Variants in MCTP1 observed in about 807,000 individuals in gnomAD.
The protein encoded by MCTP1 is multiple C2 and transmembrane domain containing 1, also known as multiple C2 and transmembrane domain-containing protein 1.
In MCTP1, 69 loss-of-function variants were observed where a neutral mutation model predicts 120.6. The observed-to-expected ratio is 0.57, with a 90% confidence interval of 0.47 to 0.70. The LOEUF (loss-of-function observed/expected upper bound fraction) is 0.70. Ranked by LOEUF, MCTP1 falls within the 30% of genes least tolerant of loss-of-function variation. MCTP1 has a pLI of 0.00. For missense variants in MCTP1, 1,203 were observed against 1,248.8 expected, an observed-to-expected ratio of 0.96 and a Z score of 0.55; for synonymous variants, 529 against 493.1, an observed-to-expected ratio of 1.07 and a Z score of -0.96.
chr5:94,953,906 CAT>C (rs1227200716), intron 2 of MCTP1, among the ~76,000 whole-genome samples: 1 of 73,576 alleles, frequency 1.4e-5, no homozygotes, highest in Non-Finnish European at 2.5e-5. Flanking sequence ...TATATATATG[CAT>C]ATATATACAA....
chr5:95,218,580 CTT>C (rs1753305053), intron 1 of MCTP1, among the ~76,000 whole-genome samples: 1 of 152,132 alleles, frequency 6.6e-6, no homozygotes, highest in Non-Finnish European at 1.5e-5. Context: ...TCTTTCTATT[CTT>C]GTTTAAACAG....
intron 1 of MCTP1, chr5:95,154,322 G>C (rs1744853428): frequency 6.6e-6 from 1 of 151,698 alleles, no homozygotes; most frequent in East Asian, 1.9e-4. Context: ...TGCTCATGTA[G>C]CAATATGAAG....
At position 94,769,838 on chromosome 5, in the gene MCTP1, T is replaced by C. The variant is rs918659717; in HGVS notation, c.2610+9272A>G. Among the ~76,000 whole-genome samples the C allele has an allele frequency of 2.0e-4, 30 of 152,312 alleles. No homozygotes were observed. The East Asian group carries it at 3.9e-3, about 20-fold the overall frequency. On this transcript the variant is annotated intron_variant, in intron 19 of 22. Transcript: ENST00000515393. ...AAGATAACTCAGATGCCACTGGATA[T>C]AGTTCAGTGAAGCCACACATTTCTT...
intron 18 of MCTP1, among the ~76,000 whole-genome samples, chr5:94,795,267 G>C (rs1163619549): frequency 1.3e-5 from 2 of 149,676 alleles, no homozygotes; most frequent in Non-Finnish European, 3.0e-5. Flanking sequence ...GTGGGGTGGG[G>C]ATGGCGGCAG....
intron 1 of MCTP1, among the ~76,000 whole-genome samples, chr5:95,075,287 C>T (rs753226458): frequency 1.3e-5 from 2 of 152,158 alleles, no homozygotes; most frequent in Non-Finnish European, 2.9e-5. Flanking sequence ...TTGGTCTCAG[C>T]TTAAAAGTCA....
At chr5:94,715,733 A>G (rs1484857211) in intron 19 of MCTP1, among the ~76,000 whole-genome samples, 1 of 152,206 alleles carries the variant, frequency 6.6e-6, no homozygotes, top group South Asian at 2.1e-4. Flanking sequence ...AATTCTGCTT[A>G]GTAGCCTGGC....
intron 10 of MCTP1, among the ~76,000 whole-genome samples, chr5:94,903,259 C>G (rs571183163): frequency 2.0e-5 from 3 of 152,234 alleles, no homozygotes; most frequent in Non-Finnish European, 4.4e-5. Flanking sequence ...ATTTCTCCTG[C>G]TCTTATTTAT....
intron 2 of MCTP1, among the ~76,000 whole-genome samples, chr5:94,965,692 C>T (rs1157933012): frequency 2.0e-5 from 3 of 152,108 alleles, no homozygotes; most frequent in Non-Finnish European, 2.9e-5. Context: ...TTGATAAATT[C>T]GTGCACATTT....
chr5:95,031,472 G>A (rs1840278181), intron 1 of MCTP1, among the ~76,000 whole-genome samples: 1 of 152,162 alleles, frequency 6.6e-6, no homozygotes, highest in South Asian at 2.1e-4. Context: ...AGAGATTGGA[G>A]GCATGCTTTT....
chr5:94,958,739 A>G (rs1823336566), intron 2 of MCTP1, among the ~76,000 whole-genome samples: 1 of 152,252 alleles, frequency 6.6e-6, no homozygotes, highest in African/African-American at 2.4e-5. Flanking sequence ...GAATCCCTGA[A>G]TAGACCAATA....
chr5:94,896,541 T>C (rs1428069208), intron 10 of MCTP1, among the ~76,000 whole-genome samples: 2 of 152,164 alleles, frequency 1.3e-5, no homozygotes, highest in African/African-American at 4.8e-5. Flanking sequence ...CATTACCACT[T>C]TGTACTGATC....
At chr5:94,836,843 T>C (rs1789900475) in intron 17 of MCTP1, among the ~76,000 whole-genome samples, 1 of 152,230 alleles carries the variant, frequency 6.6e-6, no homozygotes, top group African/African-American at 2.4e-5. Flanking sequence ...TTAAAAATTA[T>C]GGGGCCATAT....
rs538277282 is a variant in MCTP1 at position 95,244,053 on chromosome 5, C to T, written c.720+39803G>A. On this transcript the variant is annotated intron_variant, in intron 1 of 22. Coordinates refer to ENST00000515393, the MANE Select transcript of MCTP1 (RefSeq NM_024717.7). The stretch of plus-strand genomic sequence containing the variant: ...CAACCTTAAAAGACAGAGAGAGTAT[C>T]TCCCTACAGAGTAGAGAGAAGATAT... Among the ~76,000 whole-genome samples the T allele has an allele frequency of 5.9e-5, 9 of 152,298 alleles. No individual in the cohort carries two copies. In the South Asian group the frequency reaches 1.7e-3, roughly 28 times the overall value.
chr5:94,826,250 A>G (rs1315401949), intron 17 of MCTP1: 5 of 446,476 alleles, frequency 1.1e-5, no homozygotes, highest in Non-Finnish European at 2.1e-5. Context: ...TAGTTCATTT[A>G]CTAACTTTAG....
At chr5:94,832,668 T>C (rs375491246) in intron 17 of MCTP1, among the ~76,000 whole-genome samples, 2 of 151,228 alleles carry the variant, frequency 1.3e-5, no homozygotes, top group Non-Finnish European at 2.9e-5. Context: ...CCCTTCAGAA[T>C]GACTTCATGA....
intron 22 of MCTP1, among the ~76,000 whole-genome samples, chr5:94,707,840 A>G (rs1057145464): frequency 6.8e-4 from 104 of 151,968 alleles, no homozygotes; most frequent in East Asian, 4.9e-3. Flanking sequence ...ATCTACATCA[A>G]TTTTTTAAAG....
intron 1 of MCTP1, among the ~76,000 whole-genome samples, chr5:95,201,108 T>C (rs566808282): frequency 2.0e-5 from 3 of 152,316 alleles, no homozygotes; most frequent in African/African-American, 7.2e-5. Flanking sequence ...GGAAATTGTA[T>C]TTTAACACAC....
chr5:94,734,490 G>A (rs560204756), intron 19 of MCTP1, among the ~76,000 whole-genome samples: 92 of 152,314 alleles, frequency 6.0e-4, no homozygotes, highest in Non-Finnish European at 7.5e-4. Flanking sequence ...CAGATGATGG[G>A]ATTCAATGAA....
At chr5:95,227,779 G>C (rs1350549864) in intron 1 of MCTP1, among the ~76,000 whole-genome samples, 1 of 151,786 alleles carries the variant, frequency 6.6e-6, no homozygotes, top group Non-Finnish European at 1.5e-5. Flanking sequence ...TTAACATTAT[G>C]AATTAACAAA....
Sources: gnomAD v4.1 joint callset for allele counts (sites outside exome capture counted in the v4.1 genomes callset) on GRCh38, gnomAD v4.1.1 for gene constraint, MANE v1.5 for transcripts, NCBI Gene and HGNC (gene_info 2026-07-23, HGNC 2026-07-21) for gene names.